WASHC4: variants seen among roughly 807,000 people sequenced by gnomAD.
WASHC4 encodes the protein WASH complex subunit 4.
Under a neutral mutation model 166.6 loss-of-function variants are expected in WASHC4, and 86 were observed. That is an observed-to-expected ratio of 0.52 (90% CI 0.43 to 0.62). WASHC4 has a LOEUF of 0.62. WASHC4 is among the 20% of genes least tolerant of loss of function. WASHC4 has a pLI of 0.00. For synonymous variants in WASHC4, 446 were observed against 451.6 expected, an observed-to-expected ratio of 0.99 and a Z score of 0.16; for missense variants, 1,262 against 1,382.4, an observed-to-expected ratio of 0.91 and a Z score of 1.38.
intron 30 of WASHC4, among the ~76,000 whole-genome samples, chr12:105,163,140 A>C (rs1014498494): frequency 6.6e-6 from 1 of 151,554 alleles, no homozygotes; most frequent in African/African-American, 2.4e-5. Context: ...TTGCATTTTT[A>C]GTAGAGACGG....
Position 105,156,711 on chromosome 12 carries a change from T to A in WASHC4, c.2759-15T>A. On this transcript the variant is annotated splice_polypyrimidine_tract_variant and intron_variant, in intron 26 of 32. Transcript: ENST00000332180. Reference sequence around the variant, plus strand: ...TATTTATATAAATATCTGATTTTTTTGTGTGGTTTTTAAGGTAATGCTATG... The same window carrying A: ...TATTTATATAAATATCTGATTTTTTAGTGTGGTTTTTAAGGTAATGCTATG... 6.3e-7 allele frequency: 1 copy of A among 1,591,948 alleles called. No individual in the cohort carries two copies. The highest frequency in any genetic ancestry group is 8.6e-7 in the Non-Finnish European group (1 of 1,160,764).
chr12:105,121,262 G>T, intron 9 of WASHC4, 58 bp downstream of exon 9: 1 of 1,032,666 alleles, frequency 9.7e-7, no homozygotes, highest in Non-Finnish European at 1.5e-6. Context: ...ATTTGTGTTA[G>T]TAAAAAGTAA....
At chr12:105,125,383 C>T (rs992051345) in intron 10 of WASHC4, among the ~76,000 whole-genome samples, 1 of 79,598 alleles carries the variant, frequency 1.3e-5, no homozygotes, top group African/African-American at 3.4e-5. Context: ...TATGTAGATA[C>T]TAATCTATTT....
chr12:105,132,539 G>A (rs1311276060), intron 13 of WASHC4, among the ~76,000 whole-genome samples: 1 of 152,168 alleles, frequency 6.6e-6, no homozygotes, highest in African/African-American at 2.4e-5. Context: ...TTCCCATCTG[G>A]AATGAGACTG....
intron 13 of WASHC4, among the ~76,000 whole-genome samples, chr12:105,133,361 A>C (rs575628399): frequency 6.6e-6 from 1 of 152,282 alleles, no homozygotes; most frequent in South Asian, 2.1e-4. Flanking sequence ...CTACTCAATG[A>C]GCCTACTTTG....
intron 10 of WASHC4, among the ~76,000 whole-genome samples, chr12:105,123,354 C>T (rs1179390108): frequency 6.6e-6 from 1 of 152,056 alleles, no homozygotes; most frequent in Non-Finnish European, 1.5e-5. Flanking sequence ...AAAGTTAGGC[C>T]TCTTGCTGTG....
intron 12 of WASHC4, among the ~76,000 whole-genome samples, chr12:105,126,899 G>T (rs991494883): frequency 6.6e-6 from 1 of 152,004 alleles, no homozygotes; most frequent in African/African-American, 2.4e-5. Flanking sequence ...TTTTGTGTGT[G>T]TGTTATTTAA....
intron 2 of WASHC4, among the ~76,000 whole-genome samples, chr12:105,113,747 A>T (rs1879908125): frequency 6.6e-6 from 1 of 152,042 alleles, no homozygotes; most frequent in Non-Finnish European, 1.5e-5. Flanking sequence ...AGTGAACTCC[A>T]CATACTATTT....
At chr12:105,148,355 T>C (rs1465422462) in intron 24 of WASHC4, 1 of 985,166 alleles carries the variant, frequency 1.0e-6, no homozygotes, top group African/African-American at 1.7e-5. Context: ...CTATCAAATA[T>C]TCATGTAACA....
chr12:105,109,953 A>G (rs1879503696), intron 1 of WASHC4, among the ~76,000 whole-genome samples: 1 of 152,158 alleles, frequency 6.6e-6, no homozygotes, highest in Non-Finnish European at 1.5e-5. Context: ...TTGACTGGTC[A>G]TTTCCTGTGT....
chr12:105,149,780 A>G (rs759026486), intron 25 of WASHC4, 31 bp downstream of exon 25: 1 of 1,577,956 alleles, frequency 6.3e-7, no homozygotes, highest in Non-Finnish European at 8.7e-7. Context: ...AAGGTATTTG[A>G]TTAAGCTATT....
At chr12:105,117,083 C>A (rs1431633453) in intron 6 of WASHC4, among the ~76,000 whole-genome samples, 1 of 152,130 alleles carries the variant, frequency 6.6e-6, no homozygotes, top group Non-Finnish European at 1.5e-5. Flanking sequence ...GTTAATCATT[C>A]CTGGTAAATT....
chr12:105,147,989 A>C, intron 24 of WASHC4: 2 of 985,276 alleles, frequency 2.0e-6, no homozygotes, highest in Non-Finnish European at 2.4e-6. Context: ...CTGTCTGTGG[A>C]AAAAGAGAAG....
chr12:105,153,722 C>T (rs1566025710), intron 26 of WASHC4, among the ~76,000 whole-genome samples: 1 of 152,166 alleles, frequency 6.6e-6, no homozygotes. Flanking sequence ...CCTTCTAGAG[C>T]AGTGTTACTT....
At chr12:105,119,597 A>C (rs1880526017) in intron 7 of WASHC4, among the ~76,000 whole-genome samples, 1 of 152,082 alleles carries the variant, frequency 6.6e-6, no homozygotes. Flanking sequence ...CTTTTCACTA[A>C]AGCTCTCATG....
At chr12:105,161,975 T>C (rs977533360) in intron 29 of WASHC4, among the ~76,000 whole-genome samples, 3 of 152,232 alleles carry the variant, frequency 2.0e-5, no homozygotes, top group Non-Finnish European at 4.4e-5. Flanking sequence ...AAATTCAGCT[T>C]GTCAGTCACA....
chr12:105,120,540 G>C lies in WASHC4; in HGVS notation c.519-15G>C. 1 of 1,550,608 alleles carries C rather than the reference G, an allele frequency of 6.4e-7. No individual in the cohort carries two copies. The highest frequency in any genetic ancestry group is 1.7e-4 in the Middle Eastern group (1 of 5,926). ...AAAGGAAGTTTTTTTTAACTTGGTTGTTATTTTATTATAGGATTGCACCCA... is the reference window on the plus strand; with the variant it reads ...AAAGGAAGTTTTTTTTAACTTGGTTCTTATTTTATTATAGGATTGCACCCA... On this transcript the variant is annotated splice_polypyrimidine_tract_variant and intron_variant, in intron 7 of 32. Coordinates refer to ENST00000332180, the MANE Select transcript of WASHC4 (RefSeq NM_015275.3).
chr12:105,164,048 A>G (rs767363660), intron 30 of WASHC4, 63 bp from the exon 31 acceptor site: 2 of 1,383,500 alleles, frequency 1.4e-6, no homozygotes, highest in Non-Finnish European at 2.1e-6. Context: ...ATTATTGGTG[A>G]AGGAGTAGAA....
At chr12:105,126,670 T>C (rs1007050088) in intron 12 of WASHC4, among the ~76,000 whole-genome samples, 10 of 152,038 alleles carry the variant, frequency 6.6e-5, no homozygotes, top group Non-Finnish European at 1.3e-4. Context: ...ATGAAGAAAT[T>C]TAAAATATAT....
Sources: allele counts gnomAD v4.1 joint callset (sites outside exome capture counted in the v4.1 genomes callset), GRCh38; gene constraint gnomAD v4.1.1; transcripts MANE v1.5; gene names NCBI Gene and HGNC (gene_info 2026-07-23, HGNC 2026-07-21).